TREH: variants seen among roughly 807,000 people sequenced by gnomAD.
TREH encodes alpha,alpha-trehalose glucohydrolase.
A neutral mutation model predicts 80.5 loss-of-function variants in TREH; 69 were observed. That is an observed-to-expected ratio of 0.86 (90% CI 0.71 to 1.05). The LOEUF is 1.05. Ranked by LOEUF, TREH falls within the 50% of genes least tolerant of loss-of-function variation. TREH has a pLI of 0.00. For synonymous variants in TREH, 309 were observed against 293.5 expected, an observed-to-expected ratio of 1.05 and a Z score of -0.54; for missense variants, 716 against 718.8, an observed-to-expected ratio of 1.00 and a Z score of 0.04.
At chr11:118,669,753 C>T (rs1030650032) in intron 1 of TREH, among the ~76,000 whole-genome samples, 2 of 151,812 alleles carry the variant, frequency 1.3e-5, no homozygotes, top group Admixed American at 1.3e-4. Flanking sequence ...GTTAATGGTA[C>T]AAAAAAATGG....
chr11:118,658,878 G>C (rs56355107), intron 13 of TREH, 27 bp downstream of exon 13: 5 of 1,612,540 alleles, frequency 3.1e-6, no homozygotes, highest in Non-Finnish European at 3.4e-6. Flanking sequence ...CAGCCTGGGG[G>C]TGCAGGGAGG....
chr11:118,673,383 C>A (rs188547814), intron 1 of TREH, among the ~76,000 whole-genome samples: 2 of 152,298 alleles, frequency 1.3e-5, no homozygotes, highest in East Asian at 3.9e-4. Flanking sequence ...GTCCACCTTG[C>A]CAGGTATGTG....
At position 118,679,554 on chromosome 11, in the gene TREH, G is replaced by T. The variant is rs577630349; in HGVS notation, c.74C>A (p.Pro25His). The T allele has an allele frequency of 6.5e-7, 1 of 1,540,716 alleles. No homozygotes were observed. Among genetic ancestry groups the T allele is most frequent in the African/African-American group, 1.4e-5 (1 of 73,380 alleles). The change falls in exon 1 of 15, where the codon CCC becomes CAC. Residue 25 changes from proline to histidine, a missense_variant. Coordinates refer to ENST00000264029, the MANE Select transcript of TREH (RefSeq NM_007180.3). ...ACACCCCTACCTCTCACAGGGTGGGGGTAGGGCCTCCTGGGACCCCAGTCC... is the reference window on the plus strand; with the variant it reads ...ACACCCCTACCTCTCACAGGGTGGGTGTAGGGCCTCCTGGGACCCCAGTCC... ...GLGLGSQEAL[P>H]PPCESEIYCH...
chr11:118,664,560 A>T (rs1949359376), intron 1 of TREH, among the ~76,000 whole-genome samples: 1 of 152,224 alleles, frequency 6.6e-6, no homozygotes. Flanking sequence ...ATACTACAAG[A>T]TGCTATATTA....
In TREH at chr11:118,659,789, G is replaced by A. The variant is rs1555144466; in HGVS notation, c.1278C>T (p.Phe426=). ...CCTTGTCCGCCACGCCAGGGTCAGA[G>A]AAACACCCGGCCCAGAGTGGAGTGA... is the stretch of plus-strand genomic sequence containing the variant. The part of the protein sequence containing the change: ...SNLTPLWAGC[F]SDPGVADKAL... Residue 426 remains phenylalanine, a synonymous_variant, in exon 11 of 15, where the codon TTC becomes TTT. Transcript: ENST00000264029. 2 of 1,585,208 alleles carry A rather than the reference G, an allele frequency of 1.3e-6. No individual in the cohort carries two copies. Among genetic ancestry groups the A allele is most frequent in the South Asian group, 2.3e-5 (2 of 86,756 alleles).
At chr11:118,678,119 A>G (rs551433140) in intron 1 of TREH, among the ~76,000 whole-genome samples, 6 of 152,052 alleles carry the variant, frequency 3.9e-5, no homozygotes, top group South Asian at 4.2e-4. Context: ...CCCCAATCAC[A>G]CAGGCCTTCG....
chr11:118,676,802 A>C (rs1223044206), intron 1 of TREH, among the ~76,000 whole-genome samples: 3 of 151,966 alleles, frequency 2.0e-5, no homozygotes, highest in Admixed American at 1.3e-4. Context: ...ACAACAACAA[A>C]AAAACACTAA....
intron 1 of TREH, 120 bp from the exon 2 acceptor site, chr11:118,663,559 G>T: frequency 1.3e-6 from 1 of 778,932 alleles, no homozygotes; most frequent in Non-Finnish European, 2.1e-6. Flanking sequence ...GACAAGGGCT[G>T]TGTGTGCGTG....
intron 1 of TREH, 120 bp downstream of exon 1, chr11:118,679,419 C>G: frequency 8.1e-7 from 1 of 1,231,452 alleles, no homozygotes; most frequent in Non-Finnish European, 1.1e-6. Flanking sequence ...CTCTTCCCTA[C>G]TCTTTCCTTC....
At chr11:118,672,743 A>T (rs1469682938) in intron 1 of TREH, among the ~76,000 whole-genome samples, 1 of 150,048 alleles carries the variant, frequency 6.7e-6, no homozygotes, top group Non-Finnish European at 1.5e-5. Context: ...AAAAGAAATC[A>T]CCTGAAGGTA....
intron 1 of TREH, among the ~76,000 whole-genome samples, chr11:118,679,145 A>G (rs1190177340): frequency 6.6e-6 from 1 of 152,048 alleles, no homozygotes; most frequent in Non-Finnish European, 1.5e-5. Flanking sequence ...CGCCAAGCCT[A>G]ATGTCCCTTC....
Position 118,659,089 on chromosome 11 carries a change from T to C in TREH, c.1433-72A>G. ...AGACAGAGCAGTGGCTGCACCCTAC[T>C]CTCCCCAAGGAGGGAAAGAGGCCTG... is the stretch of plus-strand genomic sequence containing the variant. On this transcript the variant is annotated intron_variant, in intron 12 of 14. Transcript: ENST00000264029. The C allele has an allele frequency of 3.4e-6, 5 of 1,473,958 alleles. No individual in the cohort carries two copies. The highest frequency in any genetic ancestry group is 1.9e-4 in the Middle Eastern group (1 of 5,218). The allele number at this position is 1,473,958 out of a possible 1,614,324, so 91.3% of individuals were successfully genotyped here. A position where few individuals can be genotyped will look rare whatever the true frequency, so the allele number is the denominator to read the frequency against.
intron 2 of TREH, 68 bp downstream of exon 2, chr11:118,663,271 G>T: frequency 6.4e-7 from 1 of 1,563,672 alleles, no homozygotes; most frequent in South Asian, 1.2e-5. Flanking sequence ...CTCTCTACTT[G>T]GTCTTGCCCC....
At chr11:118,668,746 C>G (rs576023385) in intron 1 of TREH, among the ~76,000 whole-genome samples, 54 of 151,956 alleles carry the variant, frequency 3.6e-4, no homozygotes, top group Non-Finnish European at 6.9e-4. Flanking sequence ...TCGAGACCAG[C>G]CTGACCAACA....
chr11:118,662,070 C>G (rs1555145131), intron 4 of TREH, 80 bp from the exon 5 acceptor site: 1 of 1,160,714 alleles, frequency 8.6e-7, no homozygotes, highest in African/African-American at 1.5e-5. Context: ...GATCTGAGGC[C>G]CCGGGAGTCA....
chr11:118,659,753 G>T lies in TREH; in HGVS notation c.1314C>A (p.Tyr438Ter). 2 of 1,573,672 alleles carry T rather than the reference G, an allele frequency of 1.3e-6. No homozygotes were observed. Among genetic ancestry groups the T allele is most frequent in the Non-Finnish European group, 1.7e-6 (2 of 1,159,036 alleles). Reference sequence around the variant, plus strand: ...CCACCTGCTGTGCCCTCACCTCCAGGTATTTCAGAGCCTTGTCCGCCACGC... The same window carrying T: ...CCACCTGCTGTGCCCTCACCTCCAGTTATTTCAGAGCCTTGTCCGCCACGC... Reference protein sequence around the residue: ...DPGVADKALKYLEDNRILTYQ... With the variant: ...DPGVADKALK The change falls in exon 11 of 15, where the codon TAC becomes TAA. Residue 438 changes from tyrosine to a stop codon, truncating the protein, a stop_gained. Transcript: ENST00000264029. LOFTEE classifies it high-confidence loss of function.
intron 1 of TREH, among the ~76,000 whole-genome samples, chr11:118,665,910 T>C (rs577035887): frequency 1.3e-5 from 2 of 152,266 alleles, no homozygotes; most frequent in East Asian, 3.9e-4. Flanking sequence ...TGGCCAAGCC[T>C]AATGTCCCTT....
chr11:118,658,535 C>T (rs1456872536), intron 14 of TREH, 94 bp from the exon 15 acceptor site: 21 of 1,526,618 alleles, frequency 1.4e-5, no homozygotes, highest in Non-Finnish European at 1.8e-5. Context: ...CTGGCCCTGC[C>T]TAACCCCAGC....
At chr11:118,677,454 G>C (rs1281437361) in intron 1 of TREH, among the ~76,000 whole-genome samples, 1 of 152,172 alleles carries the variant, frequency 6.6e-6, no homozygotes, top group Non-Finnish European at 1.5e-5. Context: ...GGCTGGGCAC[G>C]GTGGTTCATG....
Sources: allele counts gnomAD v4.1 joint callset (sites outside exome capture counted in the v4.1 genomes callset), GRCh38; gene constraint gnomAD v4.1.1; transcripts MANE v1.5; gene names NCBI Gene and HGNC (gene_info 2026-07-23, HGNC 2026-07-21).